Variants in ANKRD12 observed in about 807,000 individuals in gnomAD.
The protein encoded by ANKRD12 is ankyrin repeat domain 12.
ANKRD12 carries 85 observed loss-of-function variants against 183.4 expected under a neutral mutation model. The ratio of observed to expected loss-of-function variants is 0.46; its 90% CI spans 0.39 to 0.56. The LOEUF (loss-of-function observed/expected upper bound fraction) is 0.56. Among genes scored for constraint, ANKRD12 ranks in the 20% least tolerant of loss-of-function variants. The pLI is 0.00. For missense variants in ANKRD12, 2,405 were observed against 2,357.1 expected (o/e 1.02, Z -0.42); for synonymous variants, 914 against 800.2 (o/e 1.14, Z -2.40).
chr18:9,258,499 A>G lies in ANKRD12; in HGVS notation c.5232A>G (p.Ala1744=), dbSNP rs1185998001. ...CTAGAAACAAAGCAAATACAATGGC[A>G]AATCAAAGCAAACAGATTCTTGCTA... is the stretch of plus-strand genomic sequence containing the variant. ...RMTRNKANTM[A]NQSKQILASC... The change falls in exon 9 of 13, where the codon GCA becomes GCG. Residue 1744 remains alanine, a synonymous_variant. Coordinates refer to ENST00000262126, the MANE Select transcript of ANKRD12 (RefSeq NM_015208.5). 6.2e-7 allele frequency: 1 copy of G among 1,613,814 alleles called. No individual in the cohort carries two copies. Among genetic ancestry groups the G allele is most frequent in the Non-Finnish European group, 8.5e-7 (1 of 1,179,932 alleles).
Position 9,257,597 on chromosome 18 carries a change from C to G in ANKRD12, c.4330C>G (p.Gln1444Glu). ...CTGCCCAAATTCTAACATACCTGAT[C>G]AAGAATCCTCTCTTCAGAGTTTTTG... Reference protein sequence around the residue: ...FICPNSNIPDQESSLQSFCNS... With the variant: ...FICPNSNIPDEESSLQSFCNS... The change falls in exon 9 of 13, where the codon CAA becomes GAA. Residue 1444 changes from glutamine to glutamate, a missense_variant. Coordinates refer to ENST00000262126, the MANE Select transcript of ANKRD12 (RefSeq NM_015208.5). The G allele has an allele frequency of 6.2e-7, 1 of 1,614,030 alleles. No individual in the cohort carries two copies. The highest frequency in any genetic ancestry group is 8.5e-7 in the Non-Finnish European group (1 of 1,179,950).
intron 1 of ANKRD12, among the ~76,000 whole-genome samples, chr18:9,144,338 A>T (rs938487226): frequency 1.3e-5 from 2 of 152,218 alleles, no homozygotes; most frequent in African/African-American, 4.8e-5. Flanking sequence ...TGTTACAAAT[A>T]TTATTTTATA....
intron 2 of ANKRD12, among the ~76,000 whole-genome samples, chr18:9,193,296 G>C (rs942506438): frequency 6.6e-6 from 1 of 151,828 alleles, no homozygotes; most frequent in Non-Finnish European, 1.5e-5. Context: ...ATGCCACCAT[G>C]CCTGGCTAAT....
At chr18:9,237,424 A>G (rs2037409102) in intron 8 of ANKRD12, among the ~76,000 whole-genome samples, 1 of 152,208 alleles carries the variant, frequency 6.6e-6, no homozygotes, top group African/African-American at 2.4e-5. Context: ...ATGCTTCATG[A>G]TCTAGCAGTC....
At chr18:9,211,536 A>G (rs1567920765) in intron 5 of ANKRD12, 48 bp from the exon 6 acceptor site, 1 of 1,503,842 alleles carries the variant, frequency 6.6e-7, no homozygotes, top group Non-Finnish European at 9.2e-7. Flanking sequence ...AAATAAGTAT[A>G]CAGAATATTT....
intron 1 of ANKRD12, among the ~76,000 whole-genome samples, chr18:9,151,156 G>A (rs2078672906): frequency 1.3e-5 from 2 of 152,154 alleles, no homozygotes; most frequent in Admixed American, 1.3e-4. Flanking sequence ...GCTAAGGCAG[G>A]GAGGGAAGTC....
Position 9,254,673 on chromosome 18 carries a change from A to T in ANKRD12, c.1406A>T (p.Lys469Ile). The change falls in exon 9 of 13, where the codon AAA becomes ATA. Residue 469 changes from lysine to isoleucine, a missense_variant. Physicochemically the swap from Lys to Ile is moderately radical, Grantham distance 102. Around this residue, in one of 7 missense-constraint regions of ANKRD12, gnomAD observed 1,983 missense variants for 1,725.9 expected, o/e 1.15. Transcript: ENST00000262126. ...EYVVSGEHKQ[K>I]GKVKRKLKNQ... ...GTAGTTTCAGGTGAACACAAACAGA[A>T]AGGCAAAGTTAAAAGAAAATTGAAA... 1 of 1,542,788 alleles carries T rather than the reference A, an allele frequency of 6.5e-7. No homozygotes were observed. The highest frequency in any genetic ancestry group is 8.7e-7 in the Non-Finnish European group (1 of 1,148,182).
intron 1 of ANKRD12, among the ~76,000 whole-genome samples, chr18:9,180,610 A>G (rs1023206517): frequency 6.6e-6 from 1 of 152,056 alleles, no homozygotes; most frequent in African/African-American, 2.4e-5. Flanking sequence ...TAGTTATTAT[A>G]TAGTGATTGC....
chr18:9,224,721 G>A (rs1481961195), intron 8 of ANKRD12, among the ~76,000 whole-genome samples: 1 of 152,150 alleles, frequency 6.6e-6, no homozygotes, highest in East Asian at 1.9e-4. Context: ...CTATATATAT[G>A]TGTGTAAAGC....
At position 9,149,415 on chromosome 18, in the gene ANKRD12, G is replaced by A. The variant is rs114823635; in HGVS notation, c.-52+12450G>A. Among the ~76,000 whole-genome samples the A allele has an allele frequency of 7.8e-3, 1,184 of 152,180 alleles. 26 individuals carry two copies. Among genetic ancestry groups the A allele is most frequent in the African/African-American group, 0.027 (1,128 of 41,516 alleles). Reference sequence around the variant, plus strand: ...TAGTTCATTTAGACTAGTGTTTATTGAACATACTTTTCATGATATCTATAT... The same window carrying A: ...TAGTTCATTTAGACTAGTGTTTATTAAACATACTTTTCATGATATCTATAT... On this transcript the variant is annotated intron_variant, in intron 1 of 12. Transcript: ENST00000262126.
chr18:9,185,433 C>A (rs1217889808), intron 2 of ANKRD12, among the ~76,000 whole-genome samples: 1 of 152,120 alleles, frequency 6.6e-6, no homozygotes, highest in Non-Finnish European at 1.5e-5. Flanking sequence ...AGGTTTGTTT[C>A]CATTACTAGG....
chr18:9,185,390 T>A (rs139155521), intron 2 of ANKRD12, among the ~76,000 whole-genome samples: 5 of 152,196 alleles, frequency 3.3e-5, no homozygotes, highest in African/African-American at 1.2e-4. Context: ...ATTAAACTTG[T>A]GTGTGAAGAA....
At chr18:9,217,569 T>C (rs561123172) in intron 7 of ANKRD12, among the ~76,000 whole-genome samples, 2 of 152,316 alleles carry the variant, frequency 1.3e-5, no homozygotes, top group South Asian at 4.1e-4. Flanking sequence ...CAATTACATT[T>C]CTATAAGGCA....
Position 9,279,555 on chromosome 18 carries a change from G to T in ANKRD12, c.5914G>T (p.Asp1972Tyr). 2 of 1,586,146 alleles carry T rather than the reference G, an allele frequency of 1.3e-6. No homozygotes were observed. The highest frequency in any genetic ancestry group is 2.3e-5 in the South Asian group (2 of 87,282). Reference sequence around the variant, plus strand: ...ACTCACTTTTCTCTTTTAGTCTGATGACAGTAAAACTTCTGTGAGGGATCG... The same window carrying T: ...ACTCACTTTTCTCTTTTAGTCTGATTACAGTAAAACTTCTGTGAGGGATCG... Reference protein sequence around the residue: ...YNVPLDSQSDDSKTSVRDRFN... With the variant: ...YNVPLDSQSDYSKTSVRDRFN... The change falls in exon 12 of 13, where the codon GAC becomes TAC. Residue 1972 changes from aspartate (D) to tyrosine (Y), a missense_variant. This residue lies in a region of ANKRD12 where 162 missense variants were observed against 272.2 expected (regional missense o/e 0.60). Transcript: ENST00000262126.
Position 9,174,226 on chromosome 18 carries a change from A to T in ANKRD12, c.-51-8156A>T, listed in dbSNP as rs867621971. Among the ~76,000 whole-genome samples the T allele has an allele frequency of 2.6e-5, 4 of 152,328 alleles. 1 individual carries two copies. In the Middle Eastern group the frequency reaches 0.014, roughly 518 times the overall value. ...CTCCCCCTGAAAACTCATCCATTTTAGGCAGTCTCTAGCCTGTTGCACTGG... is the reference window on the plus strand; with the variant it reads ...CTCCCCCTGAAAACTCATCCATTTTTGGCAGTCTCTAGCCTGTTGCACTGG... On this transcript the variant is annotated intron_variant, in intron 1 of 12. Transcript: ENST00000262126.
At chr18:9,182,704 A>G (rs2033785652) in intron 2 of ANKRD12, among the ~76,000 whole-genome samples, 185 bp downstream of exon 2, 1 of 152,214 alleles carries the variant, frequency 6.6e-6, no homozygotes, top group Non-Finnish European at 1.5e-5. Context: ...CCTTAAGGTG[A>G]ACACACAACT....
chr18:9,268,497 A>G (rs143136200), intron 10 of ANKRD12, among the ~76,000 whole-genome samples: 9,659 of 152,282 alleles, frequency 0.063, 335 homozygotes, highest in Non-Finnish European at 0.079. Context: ...AATCCAGCAT[A>G]TAAACAAAAC....
At position 9,254,532 on chromosome 18, in the gene ANKRD12, TATATTC is replaced by T; in HGVS notation, c.1267_1272del (p.Tyr423_Ser424del). ...AAAAAACAAAAGCCATCTAGGGTCTTATATTCAAGTACTGAAAGTTCTGATGAAGAA... is the reference window on the plus strand; with the variant it reads ...AAAAAACAAAAGCCATCTAGGGTCTTAAGTACTGAAAGTTCTGATGAAGAA... On this transcript the variant is annotated inframe_deletion, in exon 9 of 13. Transcript: ENST00000262126. The T allele has an allele frequency of 1.9e-6, 3 of 1,552,120 alleles. No homozygotes were observed. The highest frequency in any genetic ancestry group is 2.6e-6 in the Non-Finnish European group (3 of 1,155,140).
chr18:9,199,006 A>G lies in ANKRD12; in HGVS notation c.235+3308A>G, dbSNP rs2035011751. On this transcript the variant is annotated intron_variant, in intron 3 of 12. Coordinates refer to ENST00000262126, the MANE Select transcript of ANKRD12 (RefSeq NM_015208.5). The stretch of plus-strand genomic sequence containing the variant: ...GATTTTTCACCCTTAAAAATAATGT[A>G]GTAAGGCTGGGCATGGTGGCTCACA... 2.0e-5 allele frequency among the ~76,000 whole-genome samples: 3 copies of G among 152,166 alleles called. No individual in the cohort carries two copies. In the South Asian group the frequency reaches 6.2e-4, roughly 32 times the overall value.
Sources: allele counts gnomAD v4.1 joint callset (sites outside exome capture counted in the v4.1 genomes callset), GRCh38; gene constraint gnomAD v4.1.1; regional missense constraint gnomAD v4.1.1; transcripts MANE v1.5; gene names NCBI Gene and HGNC (gene_info 2026-07-23, HGNC 2026-07-21).